Variants in MTUS2 observed in about 807,000 individuals in gnomAD.
MTUS2 encodes microtubule associated scaffold protein 2, also known as microtubule-associated tumor suppressor candidate 2.
In MTUS2, 40 loss-of-function variants were observed where a neutral mutation model predicts 114.1. The observed-to-expected ratio is 0.35, with a 90% CI of 0.27 to 0.46. The LOEUF is 0.46. Among genes scored for constraint, MTUS2 ranks in the 20% least tolerant of loss-of-function variants. The probability of loss-of-function intolerance (pLI) is 1.00; values close to 1 mark genes in which losing one functional copy is unlikely to be tolerated. For synonymous variants in MTUS2, 688 were observed against 672.0 expected, an observed-to-expected ratio of 1.02 and a Z score of -0.37; for missense variants, 1,679 against 1,705.4, an observed-to-expected ratio of 0.98 and a Z score of 0.27.
At chr13:28,942,913 T>A (rs1341050941) in intron 2 of MTUS2, among the ~76,000 whole-genome samples, 1 of 152,184 alleles carries the variant, frequency 6.6e-6, no homozygotes, top group Non-Finnish European at 1.5e-5. Flanking sequence ...TCATGTTGAT[T>A]CATTTAATTA....
At chr13:29,384,544 G>A (rs945444714) in intron 8 of MTUS2, among the ~76,000 whole-genome samples, 2 of 152,206 alleles carry the variant, frequency 1.3e-5, no homozygotes, top group African/African-American at 2.4e-5. Flanking sequence ...CTTTAGCAAA[G>A]TCTGGGTCTC....
intron 5 of MTUS2, among the ~76,000 whole-genome samples, chr13:29,142,963 T>C (rs1892287150): frequency 6.6e-6 from 1 of 152,222 alleles, no homozygotes; most frequent in Non-Finnish European, 1.5e-5. Context: ...TGTAGAGAAT[T>C]TCTGGTTATG....
intron 5 of MTUS2, among the ~76,000 whole-genome samples, chr13:29,249,205 G>A (rs991445448): frequency 2.6e-5 from 4 of 152,024 alleles, no homozygotes; most frequent in Admixed American, 1.3e-4. Flanking sequence ...TGGCCAGGCT[G>A]GTCTCAAACT....
chr13:29,027,348 A>G (rs1886603851), intron 3 of MTUS2, among the ~76,000 whole-genome samples: 1 of 152,244 alleles, frequency 6.6e-6, no homozygotes, highest in African/African-American at 2.4e-5. Context: ...TGCGTGAAGA[A>G]CAGCAAATGA....
At chr13:29,469,488 G>A (rs185284202) in intron 9 of MTUS2, among the ~76,000 whole-genome samples, 193 of 152,146 alleles carry the variant, frequency 1.3e-3, no homozygotes, top group African/African-American at 4.3e-3. Flanking sequence ...TTAGTTGGGC[G>A]TGGTGGTGGG....
At chr13:28,949,145 A>C (rs1175355785) in intron 2 of MTUS2, among the ~76,000 whole-genome samples, 1 of 152,180 alleles carries the variant, frequency 6.6e-6, no homozygotes, top group Non-Finnish European at 1.5e-5. Flanking sequence ...TCTTTTGCTC[A>C]TTTTATGGGA....
At chr13:29,176,732 T>C (rs1455869491) in intron 5 of MTUS2, among the ~76,000 whole-genome samples, 1 of 151,668 alleles carries the variant, frequency 6.6e-6, no homozygotes, top group Non-Finnish European at 1.5e-5. Context: ...CTCTTAATAC[T>C]ATCACATTGA....
intron 5 of MTUS2, among the ~76,000 whole-genome samples, chr13:29,184,536 G>A (rs1894141883): frequency 6.6e-6 from 1 of 152,116 alleles, no homozygotes; most frequent in African/African-American, 2.4e-5. Context: ...GGCTAATGTG[G>A]AGTTGTAGAC....
At chr13:28,893,966 G>GT (rs1879079395) in intron 2 of MTUS2, among the ~76,000 whole-genome samples, 1 of 152,036 alleles carries the variant, frequency 6.6e-6, no homozygotes, top group African/African-American at 2.4e-5. Context: ...GTCACACTTT[G>GT]TTTTATAGTG....
chr13:29,324,582 C>A, intron 6 of MTUS2, 31 bp from the exon 7 acceptor site: 1 of 1,497,020 alleles, frequency 6.7e-7, no homozygotes, highest in Non-Finnish European at 9.1e-7. Context: ...AGCTTACTTT[C>A]TACCTATTTC....
chr13:28,861,449 T>TC (rs1876977907), intron 2 of MTUS2, among the ~76,000 whole-genome samples: 1 of 151,290 alleles, frequency 6.6e-6, no homozygotes, highest in African/African-American at 2.4e-5. Context: ...CTTTTTTTTT[T>TC]TTTTTTACCC....
At chr13:29,411,851 A>G (rs1875262885) in intron 8 of MTUS2, among the ~76,000 whole-genome samples, 1 of 152,058 alleles carries the variant, frequency 6.6e-6, no homozygotes. Flanking sequence ...TCTAAATTGG[A>G]CTTTCTCTTC....
At chr13:28,888,602 A>G (rs1878732102) in intron 2 of MTUS2, among the ~76,000 whole-genome samples, 1 of 151,980 alleles carries the variant, frequency 6.6e-6, no homozygotes, top group African/African-American at 2.4e-5. Flanking sequence ...TTGTATTTTT[A>G]GTAGAGACGG....
intron 4 of MTUS2, among the ~76,000 whole-genome samples, chr13:29,078,485 T>G (rs897359075): frequency 2.0e-5 from 3 of 152,206 alleles, no homozygotes; most frequent in Admixed American, 6.5e-5. Flanking sequence ...AACAGCTTTG[T>G]TGAGATATAA....
At chr13:29,477,984 T>C (rs1459883222) in intron 9 of MTUS2, among the ~76,000 whole-genome samples, 3 of 152,244 alleles carry the variant, frequency 2.0e-5, no homozygotes, top group African/African-American at 7.2e-5. Context: ...AATTCAGTGC[T>C]ACTTCTGTAA....
intron 6 of MTUS2, chr13:29,306,826 C>T (rs772106088): frequency 4.2e-5 from 19 of 454,934 alleles, no homozygotes; most frequent in Non-Finnish European, 7.5e-5. Context: ...TGTTAGGTGT[C>T]TGGTCACCAG....
intron 8 of MTUS2, among the ~76,000 whole-genome samples, chr13:29,386,546 C>A (rs1272009601): frequency 1.3e-5 from 2 of 152,116 alleles, no homozygotes; most frequent in African/African-American, 4.8e-5. Flanking sequence ...CTGGACTGGG[C>A]AGGTGGAAGA....
intron 5 of MTUS2, among the ~76,000 whole-genome samples, chr13:29,134,064 C>T (rs1241347012): frequency 1.3e-5 from 2 of 152,136 alleles, no homozygotes; most frequent in Non-Finnish European, 2.9e-5. Context: ...TGTTTATTCC[C>T]TAAGTCTTGT....
At chr13:29,164,918 T>G (rs1381546445) in intron 5 of MTUS2, among the ~76,000 whole-genome samples, 1 of 152,234 alleles carries the variant, frequency 6.6e-6, no homozygotes, top group Non-Finnish European at 1.5e-5. Flanking sequence ...AAAGGGCTTA[T>G]TTAAGGTAGA....
Sources: allele counts gnomAD v4.1 joint callset (sites outside exome capture counted in the v4.1 genomes callset), GRCh38; gene constraint gnomAD v4.1.1; transcripts MANE v1.5; gene names NCBI Gene and HGNC (gene_info 2026-07-23, HGNC 2026-07-21).